Variants in SORBS2 observed in about 807,000 individuals in gnomAD.
The protein encoded by SORBS2 is sorbin and SH3 domain-containing protein 2.
Under a neutral mutation model 97.7 loss-of-function variants are expected in SORBS2, and 46 were observed. The ratio of observed to expected loss-of-function variants is 0.47; its 90% CI spans 0.37 to 0.60. The LOEUF is 0.60. SORBS2 is among the 20% of genes least tolerant of loss of function. The probability of loss-of-function intolerance (pLI) is 0.00; values close to 1 mark genes in which losing one functional copy is unlikely to be tolerated. For missense variants in SORBS2, 1,316 were observed against 1,282.3 expected (o/e 1.03, Z -0.40); for synonymous variants, 476 against 473.4 (o/e 1.01, Z -0.07).
chr4:185,932,654 G>A (rs757623270), intron 1 of SORBS2, among the ~76,000 whole-genome samples: 2 of 152,172 alleles, frequency 1.3e-5, no homozygotes, highest in Non-Finnish European at 2.9e-5. Flanking sequence ...GCATTGCAGG[G>A]CTGTATTTGT....
intron 1 of SORBS2, among the ~76,000 whole-genome samples, chr4:185,827,048 C>CCATCACCATCATCAT (rs1478016468): frequency 4.2e-5 from 3 of 71,872 alleles, no homozygotes; most frequent in Non-Finnish European, 5.8e-5. Flanking sequence ...ATCATCACCA[C>CCATCACCATCATCAT]CATCACCATC....
At position 185,677,121 on chromosome 4, in the gene SORBS2, C is replaced by A. The variant is rs141281850; in HGVS notation, c.-46+1302G>T. ...CTGTTTGTGGCTTTCAAGATCCTGTCCTGAAAGGGGAGCTATCTGAATGGA... is the reference window on the plus strand; with the variant it reads ...CTGTTTGTGGCTTTCAAGATCCTGTACTGAAAGGGGAGCTATCTGAATGGA... On this transcript the variant is annotated intron_variant, in intron 4 of 20. Coordinates refer to the SORBS2 transcript ENST00000284776. 176 of 1,551,624 alleles carry A rather than the reference C, an allele frequency of 1.1e-4. No individual in the cohort carries two copies. In the East Asian group the frequency reaches 3.3e-3, roughly 29 times the overall value.
At chr4:185,912,660 CAAG>C (rs1435867338) in intron 1 of SORBS2, among the ~76,000 whole-genome samples, 1 of 137,992 alleles carries the variant, frequency 7.2e-6, no homozygotes, top group Non-Finnish European at 1.6e-5. Flanking sequence ...GTATTCAAAA[CAAG>C]AAGCTGTCAC....
At chr4:185,867,551 A>G (rs144672944) in intron 1 of SORBS2, among the ~76,000 whole-genome samples, 21 of 152,318 alleles carry the variant, frequency 1.4e-4, no homozygotes, top group African/African-American at 5.1e-4. Flanking sequence ...ATCTTAGTCC[A>G]AGAAGTCAGA....
intron 4 of SORBS2, among the ~76,000 whole-genome samples, chr4:185,670,096 G>A (rs1413129699): frequency 6.6e-6 from 1 of 152,024 alleles, no homozygotes; most frequent in Non-Finnish European, 1.5e-5. Context: ...GCAGGTGCCT[G>A]TAATCCCAGC....
intron 2 of SORBS2, chr4:185,773,973 A>G (rs1413743528): frequency 6.9e-6 from 1 of 144,238 alleles, no homozygotes; most frequent in East Asian, 2.0e-4. Flanking sequence ...TTTTCTTTTG[A>G]TTCTAATTTT....
Position 185,612,614 on chromosome 4 carries a change from A to G in SORBS2, c.2596-634T>C, listed in dbSNP as rs185895508. ...AAGAATTCTCTTGCCTCAGCCTACC[A>G]AGTAGCTGGGATTACAGGCGCCCGC... On this transcript the variant is annotated intron_variant, in intron 11 of 14. Transcript: ENST00000418609. 5.0e-3 allele frequency among the ~76,000 whole-genome samples: 759 copies of G among 150,672 alleles called. 5 individuals carry two copies. Among genetic ancestry groups the G allele is most frequent in the African/African-American group, 0.015 (630 of 40,924 alleles).
At chr4:185,801,050 C>G (rs990634952) in intron 1 of SORBS2, among the ~76,000 whole-genome samples, 15 of 152,158 alleles carry the variant, frequency 9.9e-5, no homozygotes, top group African/African-American at 3.6e-4. Flanking sequence ...TTTCCTCCCC[C>G]CACCAATTCC....
chr4:185,652,672 C>T (rs2097334293), exon 2 of SORBS2: 1 of 1,613,946 alleles, frequency 6.2e-7, no homozygotes, highest in East Asian at 2.2e-5. Context: ...CCGGCTTGTG[C>T]ACCATGTGAA....
chr4:185,689,405 A>G (rs1032659784), intron 2 of SORBS2, among the ~76,000 whole-genome samples: 1 of 152,126 alleles, frequency 6.6e-6, no homozygotes, highest in African/African-American at 2.4e-5. Flanking sequence ...TTTACCTGCT[A>G]ATATTTTCTA....
intron 1 of SORBS2, among the ~76,000 whole-genome samples, chr4:185,948,178 A>G (rs2099275449): frequency 6.6e-6 from 1 of 152,226 alleles, no homozygotes; most frequent in South Asian, 2.1e-4. Flanking sequence ...TTAGTTTCCT[A>G]TCAGGCCATC....
At chr4:185,916,161 G>A (rs2099258050) in intron 1 of SORBS2, among the ~76,000 whole-genome samples, 1 of 152,330 alleles carries the variant, frequency 6.6e-6, no homozygotes, top group African/African-American at 2.4e-5. Flanking sequence ...TCATGGACCG[G>A]AGGGAAACAA....
At chr4:185,889,020 G>A (rs2099241121) in intron 1 of SORBS2, among the ~76,000 whole-genome samples, 1 of 152,220 alleles carries the variant, frequency 6.6e-6, no homozygotes, top group East Asian at 1.9e-4. Flanking sequence ...GCCTTGTGAG[G>A]CGATCGGGGC....
chr4:185,834,512 A>G (rs571436918), intron 1 of SORBS2, among the ~76,000 whole-genome samples: 2 of 152,342 alleles, frequency 1.3e-5, no homozygotes, highest in South Asian at 4.1e-4. Flanking sequence ...AGAAGAAAAC[A>G]ATAGTTAAAT....
intron 1 of SORBS2, among the ~76,000 whole-genome samples, chr4:185,950,006 C>A (rs1430140126): frequency 6.6e-6 from 1 of 152,184 alleles, no homozygotes; most frequent in African/African-American, 2.4e-5. Flanking sequence ...ATAATCCCAG[C>A]ACTTTGGGAG....
intron 1 of SORBS2, among the ~76,000 whole-genome samples, chr4:185,842,707 T>C (rs971934230): frequency 6.6e-6 from 1 of 152,008 alleles, no homozygotes; most frequent in African/African-American, 2.4e-5. Context: ...GAGGCCAAGG[T>C]AGGCGGATCA....
chr4:185,770,165 G>A lies in SORBS2; in HGVS notation c.-198+5062C>T, dbSNP rs531797572. ...ACGATCTCGGCTCACTGCAACCTCC[G>A]CCTCCCAGTTTCAAGTGATTCTCCT... On this transcript the variant is annotated intron_variant, in intron 2 of 20. Transcript: ENST00000284776. 7.3e-4 allele frequency among the ~76,000 whole-genome samples: 110 copies of A among 150,632 alleles called. 1 individual carries two copies. The highest frequency in any genetic ancestry group is 2.6e-3 in the African/African-American group (105 of 40,838).
chr4:185,864,861 G>A (rs964697331), intron 1 of SORBS2, among the ~76,000 whole-genome samples: 12 of 150,894 alleles, frequency 8.0e-5, no homozygotes, highest in African/African-American at 2.7e-4. Flanking sequence ...GCAGTGAGCT[G>A]AGACGAAGCC....
chr4:185,912,097 C>CATGT (rs1335354204), intron 1 of SORBS2, among the ~76,000 whole-genome samples: 1 of 152,144 alleles, frequency 6.6e-6, no homozygotes, highest in African/African-American at 2.4e-5. Context: ...TTTTCATTTT[C>CATGT]ATGTATGCAC....
Sources: gnomAD v4.1 joint callset for allele counts (sites outside exome capture counted in the v4.1 genomes callset) on GRCh38, gnomAD v4.1.1 for gene constraint, MANE v1.5 for transcripts, NCBI Gene and HGNC (gene_info 2026-07-23, HGNC 2026-07-21) for gene names.